WNK3: variants seen among roughly 807,000 people sequenced by gnomAD.
WNK3 encodes the protein serine/threonine-protein kinase WNK3.
In WNK3, 18 loss-of-function variants were observed where a neutral mutation model predicts 116.7. That is an observed-to-expected ratio of 0.15 (90% CI 0.11 to 0.23). The LOEUF is 0.23. WNK3 is among the 10% of genes least tolerant of loss of function. The pLI, the probability that WNK3 is intolerant of heterozygous loss-of-function variation, is 1.00. For missense variants in WNK3, 993 were observed against 1,323.8 expected (o/e 0.75, Z 3.88); for synonymous variants, 404 against 469.4 (o/e 0.86, Z 1.80).
chrX:54,207,091 TA>T (rs782714833), intron 22 of WNK3, among the ~76,000 whole-genome samples: 225 of 96,785 alleles, frequency 2.3e-3, no homozygotes, highest in Middle Eastern at 5.2e-3. Flanking sequence ...AAATGCTGCT[TA>T]AAAAAAAAAA....
At chrX:54,301,829 T>C (rs1557167529) in exon 6 of WNK3, 3 of 1,210,381 alleles carry the variant, frequency 2.5e-6, no homozygotes. Flanking sequence ...TCAGGATCAG[T>C]GACTTTATTG....
chrX:54,268,472 T>TGACA (rs1157612760), intron 10 of WNK3, among the ~76,000 whole-genome samples: 1 of 110,842 alleles, frequency 9.0e-6, no homozygotes, highest in Non-Finnish European at 1.9e-5. Context: ...CCACCTTGAG[T>TGACA]GACAGAGCAA....
rs927744260 is a variant in WNK3 at position 54,269,345 on chromosome X, C to T, written c.2038-10007G>A. On this transcript the variant is annotated intron_variant, in intron 10 of 23. Transcript: ENST00000354646. ...AAAAACACTCAACATCATTATTTATCAGGAAAATGCAAGTTAAAAACCACA... is the reference window on the plus strand; with the variant it reads ...AAAAACACTCAACATCATTATTTATTAGGAAAATGCAAGTTAAAAACCACA... Among the ~76,000 whole-genome samples the T allele has an allele frequency of 4.5e-5, 5 of 111,637 alleles. No individual in the cohort carries two copies. The Admixed American group carries it at 4.8e-4, about 11-fold the overall frequency.
intron 11 of WNK3, 98 bp downstream of exon 11, chrX:54,259,176 C>A: frequency 3.1e-6 from 1 of 323,879 alleles, no homozygotes; most frequent in South Asian, 1.1e-4. Context: ...TACAAGAATA[C>A]AGAAGCTTCT....
intron 2 of WNK3, among the ~76,000 whole-genome samples, chrX:54,324,545 G>A (rs1299134847): frequency 8.9e-6 from 1 of 112,139 alleles, no homozygotes; most frequent in Non-Finnish European, 1.9e-5. Context: ...AATAAAGTTC[G>A]TGACTAGTTT....
intron 10 of WNK3, among the ~76,000 whole-genome samples, chrX:54,286,527 C>T (rs781954957): frequency 9.0e-6 from 1 of 111,076 alleles, no homozygotes; most frequent in South Asian, 3.8e-4. Context: ...ATTTTATTAG[C>T]CAAACAATAA....
chrX:54,248,971 C>T (rs1557153375), exon 17 of WNK3: 37 of 1,211,658 alleles, frequency 3.1e-5, no homozygotes, highest in Non-Finnish European at 4.0e-5. Flanking sequence ...GCTAGAGATG[C>T]TGTGCTCCTG....
intron 22 of WNK3, among the ~76,000 whole-genome samples, chrX:54,205,452 G>A (rs1480454059): frequency 9.0e-6 from 1 of 111,363 alleles, no homozygotes; most frequent in African/African-American, 3.3e-5. Flanking sequence ...TGAACTAGTG[G>A]CACAATAGCC....
intron 22 of WNK3, among the ~76,000 whole-genome samples, chrX:54,217,113 T>A (rs933589307): frequency 1.8e-4 from 20 of 108,544 alleles, no homozygotes; most frequent in African/African-American, 6.1e-4. Context: ...AGGTCGGAGA[T>A]CGAGACCATC....
intron 22 of WNK3, among the ~76,000 whole-genome samples, chrX:54,210,813 A>G (rs1004611799): frequency 2.7e-5 from 3 of 112,209 alleles, no homozygotes; most frequent in Middle Eastern, 4.6e-3. Context: ...AGGAATCCTA[A>G]AATTGGACAA....
chrX:54,342,547 CAA>C (rs1240189384), intron 1 of WNK3, among the ~76,000 whole-genome samples: 1 of 106,852 alleles, frequency 9.4e-6, no homozygotes, highest in Non-Finnish European at 1.9e-5. Flanking sequence ...GCCTGGGTGA[CAA>C]GAGTGAAATC....
chrX:54,258,752 A>G (rs2068224263), intron 11 of WNK3, among the ~76,000 whole-genome samples: 1 of 109,969 alleles, frequency 9.1e-6, no homozygotes. Context: ...TTTTAAGAAG[A>G]ACCACATAGA....
At chrX:54,308,400 C>T (rs1408496156) in intron 4 of WNK3, among the ~76,000 whole-genome samples, 1 of 110,116 alleles carries the variant, frequency 9.1e-6, no homozygotes, top group Non-Finnish European at 1.9e-5. Context: ...CCATGTTGGC[C>T]AGGCTGGTCT....
intron 22 of WNK3, among the ~76,000 whole-genome samples, chrX:54,203,252 C>T (rs1309140917): frequency 8.9e-6 from 1 of 111,744 alleles, no homozygotes; most frequent in Non-Finnish European, 1.9e-5. Context: ...CACACTAAGT[C>T]TTTACATGAT....
intron 21 of WNK3, among the ~76,000 whole-genome samples, chrX:54,230,915 A>G (rs1484801149): frequency 8.9e-6 from 1 of 112,690 alleles, no homozygotes; most frequent in Non-Finnish European, 1.9e-5. Flanking sequence ...AAACAGGTGG[A>G]CACCTGACTG....
chrX:54,220,272 T>C (rs2067747194), intron 22 of WNK3, among the ~76,000 whole-genome samples: 1 of 111,678 alleles, frequency 9.0e-6, no homozygotes, highest in South Asian at 3.8e-4. Flanking sequence ...GAACCAAGCA[T>C]TTTTAGAATA....
chrX:54,212,382 G>A (rs782345636), intron 22 of WNK3, among the ~76,000 whole-genome samples: 24 of 111,913 alleles, frequency 2.1e-4, no homozygotes, highest in Non-Finnish European at 3.9e-4. Context: ...GCACAGAAAA[G>A]GCACAAAGAA....
chrX:54,242,209 A>G (rs1234974671), intron 17 of WNK3, among the ~76,000 whole-genome samples: 5 of 111,751 alleles, frequency 4.5e-5, no homozygotes, highest in Admixed American at 2.9e-4. Flanking sequence ...TAATAACAAT[A>G]AGAAAATACT....
chrX:54,269,464 C>T (rs2068354152), intron 10 of WNK3, among the ~76,000 whole-genome samples: 1 of 111,499 alleles, frequency 9.0e-6, no homozygotes, highest in African/African-American at 3.3e-5. Flanking sequence ...CATACATTGC[C>T]AGCGGGAACG....
Sources: allele counts gnomAD v4.1 joint callset (sites outside exome capture counted in the v4.1 genomes callset), GRCh38; gene constraint gnomAD v4.1.1; transcripts MANE v1.5; gene names NCBI Gene and HGNC (gene_info 2026-07-23, HGNC 2026-07-21).